The following PTBP2 variants were observed in gnomAD, a reference collection of about 807,000 sequenced individuals.
The protein encoded by PTBP2 is polypyrimidine tract binding protein 2.
Under a neutral mutation model 61.4 loss-of-function variants are expected in PTBP2, and 13 were observed. That is an observed-to-expected ratio of 0.21 (90% CI 0.14 to 0.34). PTBP2 has a LOEUF of 0.34. PTBP2 is among the 10% of genes least tolerant of loss of function. PTBP2 has a pLI of 1.00. For synonymous variants in PTBP2, 215 were observed against 218.5 expected (o/e 0.98, Z 0.14); for missense variants, 405 against 642.6 (o/e 0.63, Z 4.00).
downstream of PTBP2, chr1:96,820,018 A>G (rs762891517): frequency 3.9e-5 from 6 of 152,000 alleles, no homozygotes; most frequent in African/African-American, 7.2e-5. Flanking sequence ...AGTGTAATAT[A>G]TATATAATAG....
Position 96,813,975 on chromosome 1 carries a change from A to G in PTBP2, c.*570A>G, listed in dbSNP as rs1438201471. On this transcript the variant is annotated 3_prime_UTR_variant, in exon 14 of 14. Coordinates refer to ENST00000674951, the MANE Select transcript of PTBP2 (RefSeq NM_021190.4). ...CTTAGGCTTTATTGCTTTGAAAACA[A>G]CATTGGCCTTTTGTATCTCACAATT... The G allele has an allele frequency of 1.3e-5, 2 of 152,518 alleles. No homozygotes were observed. The highest frequency in any genetic ancestry group is 4.8e-5 in the African/African-American group (2 of 41,436). 9.4% of individuals were successfully genotyped at this position (152,518 alleles called of 1,614,324 possible).
At chr1:96,819,373 A>C (rs1168751834), downstream of PTBP2, 1 of 151,934 alleles carries the variant, frequency 6.6e-6, no homozygotes, top group East Asian at 1.9e-4. Flanking sequence ...AAATTTTAAA[A>C]TATTCTTATG....
chr1:96,721,847 G>A lies in PTBP2; in HGVS notation c.-18G>A. ...GCGTGGCTCGGTTCTTGTGAGCGAA[G>A]CTTTGTCCGGTTCGGCAATGGACGG... On this transcript the variant is annotated 5_prime_UTR_variant, in exon 1 of 14. Coordinates refer to ENST00000674951, the MANE Select transcript of PTBP2 (RefSeq NM_021190.4). 6.4e-7 allele frequency: 1 copy of A among 1,566,346 alleles called. No homozygotes were observed. Among genetic ancestry groups the A allele is most frequent in the Non-Finnish European group, 8.7e-7 (1 of 1,155,486 alleles).
chr1:96,732,661 A>G (rs1391426462), intron 2 of PTBP2, among the ~76,000 whole-genome samples: 1 of 152,222 alleles, frequency 6.6e-6, no homozygotes, highest in Non-Finnish European at 1.5e-5. Flanking sequence ...ATTAAGTGCT[A>G]TATGGCTACA....
chr1:96,802,732 C>T (rs1041282850), intron 8 of PTBP2, among the ~76,000 whole-genome samples: 1 of 152,076 alleles, frequency 6.6e-6, no homozygotes, highest in African/African-American at 2.4e-5. Context: ...AGTGGGATCT[C>T]ATACAGACTA....
chr1:96,812,982 A>C, intron 12 of PTBP2, 47 bp from the exon 13 acceptor site: 1 of 1,594,212 alleles, frequency 6.3e-7, no homozygotes. Context: ...ATAAAATATG[A>C]AATTTATTCT....
chr1:96,758,458 G>A (rs1456964248), intron 3 of PTBP2, among the ~76,000 whole-genome samples: 2 of 152,056 alleles, frequency 1.3e-5, no homozygotes, highest in African/African-American at 2.4e-5. Context: ...CAAGATTTCA[G>A]ACTAGTATTT....
intron 8 of PTBP2, among the ~76,000 whole-genome samples, chr1:96,788,853 G>A (rs1465302133): frequency 1.3e-5 from 2 of 151,842 alleles, no homozygotes; most frequent in African/African-American, 2.4e-5. Context: ...TTAATGCTAG[G>A]TATCACAGTG....
At chr1:96,774,444 C>T (rs1365138984) in intron 5 of PTBP2, among the ~76,000 whole-genome samples, 3 of 152,136 alleles carry the variant, frequency 2.0e-5, no homozygotes, top group African/African-American at 7.2e-5. Context: ...GATAACCTTC[C>T]CTCCCTTCAG....
intron 3 of PTBP2, among the ~76,000 whole-genome samples, chr1:96,763,342 G>A (rs950238025): frequency 3.3e-5 from 5 of 152,110 alleles, no homozygotes; most frequent in Admixed American, 1.3e-4. Flanking sequence ...TCGGGAGGCC[G>A]AGGCTGGCGG....
intron 3 of PTBP2, among the ~76,000 whole-genome samples, chr1:96,758,855 A>G (rs1204769922): frequency 1.3e-5 from 2 of 152,168 alleles, no homozygotes; most frequent in African/African-American, 4.8e-5. Flanking sequence ...AAAGGAAGAA[A>G]GAAAACTGTC....
chr1:96,790,038 A>G (rs1287204296), intron 8 of PTBP2, among the ~76,000 whole-genome samples: 2 of 152,120 alleles, frequency 1.3e-5, no homozygotes, highest in African/African-American at 4.8e-5. Flanking sequence ...CGCACATAGT[A>G]TTTGGTTGTT....
chr1:96,733,009 C>T (rs1412077550), intron 2 of PTBP2, among the ~76,000 whole-genome samples: 2 of 131,412 alleles, frequency 1.5e-5, no homozygotes, highest in Non-Finnish European at 3.4e-5. Flanking sequence ...CATTACTCTG[C>T]TTTCTTTCTT....
At chr1:96,762,281 G>T (rs1477731645) in intron 3 of PTBP2, among the ~76,000 whole-genome samples, 1 of 149,322 alleles carries the variant, frequency 6.7e-6, no homozygotes, top group African/African-American at 2.5e-5. Context: ...GGGCAGAGGG[G>T]CTCCTCACTT....
intron 3 of PTBP2, 98 bp downstream of exon 3, chr1:96,751,598 T>C (rs1654553725): frequency 1.2e-6 from 1 of 823,024 alleles, no homozygotes; most frequent in African/African-American, 1.8e-5. Context: ...AGCCTTTCTT[T>C]TTAAATGCGT....
chr1:96,762,023 A>G (rs2100969467), intron 3 of PTBP2, among the ~76,000 whole-genome samples: 1 of 151,196 alleles, frequency 6.6e-6, no homozygotes, highest in East Asian at 2.0e-4. Flanking sequence ...CTGAGTGGAC[A>G]CAGCACATGT....
chr1:96,798,774 A>G (rs1266712661), intron 8 of PTBP2, among the ~76,000 whole-genome samples: 1 of 152,218 alleles, frequency 6.6e-6, no homozygotes, highest in Non-Finnish European at 1.5e-5. Context: ...ATAAATTGTA[A>G]TACCATACTA....
rs561058767 is a variant in PTBP2 at position 96,823,257 on chromosome 1, G to A, written c.*9852G>A. The stretch of plus-strand genomic sequence containing the variant: ...ATTACAGGCATGAGCCATGGCACCC[G>A]GCCAAGATGAAATGTCAAGGCCATT... On this transcript the variant is annotated 3_prime_UTR_variant, in exon 14 of 14. Coordinates refer to the PTBP2 transcript ENST00000609116. 340 of 152,384 alleles carry A rather than the reference G, an allele frequency of 2.2e-3. 1 individual carries two copies. Among genetic ancestry groups the A allele is most frequent in the Admixed American group, 3.6e-3 (55 of 15,300 alleles). 9.4% of individuals were successfully genotyped at this position (152,384 alleles called of 1,614,324 possible). A position where few individuals can be genotyped will look rare whatever the true frequency, so the allele number is the denominator to read the frequency against.
At chr1:96,739,618 GTTTTTT>G (rs772410191) in intron 2 of PTBP2, among the ~76,000 whole-genome samples, 5 of 83,788 alleles carry the variant, frequency 6.0e-5, no homozygotes, top group African/African-American at 2.2e-4. Context: ...ACTGGTGTGT[GTTTTTT>G]TTTTTTTTTT....
Sources: gnomAD v4.1 joint callset for allele counts (sites outside exome capture counted in the v4.1 genomes callset) on GRCh38, gnomAD v4.1.1 for gene constraint, MANE v1.5 for transcripts, NCBI Gene and HGNC (gene_info 2026-07-23, HGNC 2026-07-21) for gene names.